ADGRB3: variants seen among roughly 807,000 people sequenced by gnomAD.
ADGRB3 encodes the protein adhesion G protein-coupled receptor B3.
A neutral mutation model predicts 193.4 loss-of-function variants in ADGRB3; 37 were observed. The ratio of observed to expected loss-of-function variants is 0.19; its 90% CI spans 0.15 to 0.25. The LOEUF (loss-of-function observed/expected upper bound fraction) is 0.25. ADGRB3 is among the 10% of genes least tolerant of loss of function. The probability of loss-of-function intolerance (pLI) is 1.00; values close to 1 mark genes in which losing one functional copy is unlikely to be tolerated. For missense variants in ADGRB3, 1,637 were observed against 1,852.9 expected, an observed-to-expected ratio of 0.88 and a Z score of 2.14; for synonymous variants, 690 against 644.2, an observed-to-expected ratio of 1.07 and a Z score of -1.08.
At chr6:68,668,653 T>C (rs1561988667) in intron 3 of ADGRB3, among the ~76,000 whole-genome samples, 1 of 151,964 alleles carries the variant, frequency 6.6e-6, no homozygotes, top group Non-Finnish European at 1.5e-5. Flanking sequence ...TGTAATTTTC[T>C]TAAGTTTGGA....
chr6:68,945,829 T>G (rs1235026793), intron 6 of ADGRB3, among the ~76,000 whole-genome samples: 1 of 152,152 alleles, frequency 6.6e-6, no homozygotes. Context: ...CTTATTTTCT[T>G]AAGTTGATAT....
At chr6:69,028,189 A>C (rs1770494843) in intron 13 of ADGRB3, among the ~76,000 whole-genome samples, 2 of 152,322 alleles carry the variant, frequency 1.3e-5, no homozygotes, top group South Asian at 2.1e-4. Context: ...CAGCTAACAA[A>C]TGAAATAATT....
At chr6:69,026,501 A>C (rs1770435879) in intron 13 of ADGRB3, among the ~76,000 whole-genome samples, 1 of 152,182 alleles carries the variant, frequency 6.6e-6, no homozygotes, top group African/African-American at 2.4e-5. Flanking sequence ...GAGGAAATGA[A>C]GTCAGAAAGG....
Position 68,798,840 on chromosome 6 carries a change from T to C in ADGRB3, c.758-131719T>C, listed in dbSNP as rs542645934. Among the ~76,000 whole-genome samples, 271 of 152,186 alleles carry C rather than the reference T, an allele frequency of 1.8e-3. 2 individuals are homozygous for C. The highest frequency in any genetic ancestry group is 6.1e-3 in the African/African-American group (252 of 41,516). ...CAGGCTACTCACAGTAAAAATACAT[T>C]GAGGGGGACATGCCGTGGATCTCCC... On this transcript the variant is annotated intron_variant, in intron 3 of 31. Transcript: ENST00000370598.
chr6:69,365,857 C>G (rs536588817), intron 29 of ADGRB3, among the ~76,000 whole-genome samples: 1 of 152,048 alleles, frequency 6.6e-6, no homozygotes, highest in Non-Finnish European at 1.5e-5. Context: ...GCCTCCCTTA[C>G]AGCTGTTGTG....
chr6:68,840,595 T>A (rs77269931), intron 3 of ADGRB3, among the ~76,000 whole-genome samples: 13,723 of 151,466 alleles, frequency 0.091, 824 homozygotes, highest in Non-Finnish European at 0.13. Context: ...CTTTTGGAAA[T>A]GGGAGGGAAA....
chr6:68,938,583 A>G (rs1216750025), intron 5 of ADGRB3, among the ~76,000 whole-genome samples: 1 of 151,968 alleles, frequency 6.6e-6, no homozygotes, highest in African/African-American at 2.4e-5. Flanking sequence ...TAAGAATGCA[A>G]TATATAGTCA....
At chr6:69,097,260 C>T (rs1414167395) in intron 17 of ADGRB3, among the ~76,000 whole-genome samples, 1 of 152,182 alleles carries the variant, frequency 6.6e-6, no homozygotes, top group Non-Finnish European at 1.5e-5. Flanking sequence ...AAATGTATCT[C>T]TGGTTTTAAA....
intron 3 of ADGRB3, among the ~76,000 whole-genome samples, chr6:68,822,004 A>C (rs1767757015): frequency 6.6e-6 from 1 of 151,932 alleles, no homozygotes; most frequent in African/African-American, 2.4e-5. Context: ...AAGCATCCAG[A>C]GTTTATATAA....
chr6:69,156,717 G>A (rs1164798609), intron 17 of ADGRB3, among the ~76,000 whole-genome samples: 2 of 152,180 alleles, frequency 1.3e-5, no homozygotes, highest in Non-Finnish European at 2.9e-5. Flanking sequence ...AATGAAAACA[G>A]AAAATCCAAT....
Position 69,109,709 on chromosome 6 carries a change from G to A in ADGRB3, c.2480+33671G>A, listed in dbSNP as rs1773314740. Among the ~76,000 whole-genome samples the A allele has an allele frequency of 3.3e-5, 5 of 152,262 alleles. No homozygotes were observed. The South Asian group carries it at 8.3e-4, about 25-fold the overall frequency. ...TAACCCTCTATACTAGAGATGGCAG[G>A]TCAGTGACTATTCAGAACCCTGTTT... is the stretch of plus-strand genomic sequence containing the variant. On this transcript the variant is annotated intron_variant, in intron 17 of 31. Transcript: ENST00000370598.
intron 20 of ADGRB3, among the ~76,000 whole-genome samples, chr6:69,283,912 C>T (rs994736561): frequency 7.2e-5 from 11 of 152,020 alleles, no homozygotes; most frequent in Non-Finnish European, 1.0e-4. Flanking sequence ...GTACATATTC[C>T]CCCATTAAAA....
chr6:68,913,708 G>A (rs1766790122), intron 3 of ADGRB3, among the ~76,000 whole-genome samples: 1 of 152,218 alleles, frequency 6.6e-6, no homozygotes, highest in Non-Finnish European at 1.5e-5. Flanking sequence ...ACTTTGACGA[G>A]TTGAGAGAAG....
chr6:69,153,005 T>C (rs1157499710), intron 17 of ADGRB3, among the ~76,000 whole-genome samples: 1 of 152,160 alleles, frequency 6.6e-6, no homozygotes, highest in African/African-American at 2.4e-5. Context: ...TTACAAAACA[T>C]GTGCAGGTGC....
intron 20 of ADGRB3, among the ~76,000 whole-genome samples, chr6:69,267,035 T>C (rs1298395225): frequency 6.6e-6 from 1 of 152,064 alleles, no homozygotes; most frequent in African/African-American, 2.4e-5. Flanking sequence ...TCTTCTGTAA[T>C]AGTTTTTATT....
intron 17 of ADGRB3, among the ~76,000 whole-genome samples, chr6:69,132,298 C>T (rs768861866): frequency 2.0e-5 from 3 of 152,120 alleles, no homozygotes; most frequent in Non-Finnish European, 4.4e-5. Context: ...TGTTTCCTGA[C>T]TTTTTAATGA....
chr6:69,015,276 T>C (rs1048806873), intron 12 of ADGRB3, among the ~76,000 whole-genome samples: 1 of 152,060 alleles, frequency 6.6e-6, no homozygotes, highest in Non-Finnish European at 1.5e-5. Context: ...TGTTATTTAC[T>C]GTGAGGTCCC....
chr6:69,069,314 C>T (rs1191627702), intron 16 of ADGRB3, among the ~76,000 whole-genome samples: 1 of 151,842 alleles, frequency 6.6e-6, no homozygotes, highest in African/African-American at 2.4e-5. Flanking sequence ...TGTTAAAAGA[C>T]ATGACACTGA....
intron 13 of ADGRB3, among the ~76,000 whole-genome samples, chr6:69,047,021 C>A (rs79933071): frequency 0.017 from 2,607 of 152,174 alleles, 81 homozygotes; most frequent in African/African-American, 0.059. Flanking sequence ...CCACGCCCGG[C>A]TAAAATTTTT....
Sources: gnomAD v4.1 joint callset for allele counts (sites outside exome capture counted in the v4.1 genomes callset) on GRCh38, gnomAD v4.1.1 for gene constraint, MANE v1.5 for transcripts, NCBI Gene and HGNC (gene_info 2026-07-23, HGNC 2026-07-21) for gene names.